Variants in TBC1D1 observed in about 807,000 individuals in gnomAD.
TBC1D1 encodes TBC1 (tre-2/USP6, BUB2, cdc16) domain family, member 1.
TBC1D1 carries 89 observed loss-of-function variants against 125.6 expected under a neutral mutation model. The observed-to-expected ratio is 0.71, with a 90% CI of 0.60 to 0.85. The LOEUF is 0.85. Ranked by LOEUF, TBC1D1 falls within the 40% of genes least tolerant of loss-of-function variation. The probability of loss-of-function intolerance (pLI) is 0.00; values close to 1 mark genes in which losing one functional copy is unlikely to be tolerated. For synonymous variants in TBC1D1, 565 were observed against 564.1 expected (o/e 1.00, Z -0.02); for missense variants, 1,377 against 1,469.2 (o/e 0.94, Z 1.03).
intron 6 of TBC1D1, among the ~76,000 whole-genome samples, chr4:38,023,577 G>A (rs767083599): frequency 3.9e-5 from 6 of 152,174 alleles, no homozygotes; most frequent in Non-Finnish European, 5.9e-5. Flanking sequence ...TTATCTTCTT[G>A]TTTCTGGTTT....
At chr4:38,086,979 A>G (rs532870196) in intron 12 of TBC1D1, among the ~76,000 whole-genome samples, 1 of 152,234 alleles carries the variant, frequency 6.6e-6, no homozygotes, top group South Asian at 2.1e-4. Context: ...GACCCTTACT[A>G]GCTGTGTGAC....
At chr4:38,092,674 G>C (rs1001884248) in intron 13 of TBC1D1, among the ~76,000 whole-genome samples, 1 of 151,420 alleles carries the variant, frequency 6.6e-6, no homozygotes, top group African/African-American at 2.4e-5. Flanking sequence ...GACGAAGGTT[G>C]CAGTGAGCCA....
chr4:37,980,348 C>T (rs1461543366), intron 2 of TBC1D1, among the ~76,000 whole-genome samples: 2 of 152,146 alleles, frequency 1.3e-5, no homozygotes, highest in Non-Finnish European at 2.9e-5. Flanking sequence ...TCAGTGGGGA[C>T]ACTTGACTTT....
intron 2 of TBC1D1, among the ~76,000 whole-genome samples, chr4:38,005,930 T>C (rs1187389398): frequency 6.6e-6 from 1 of 152,222 alleles, no homozygotes; most frequent in Non-Finnish European, 1.5e-5. Context: ...GAGTGACACA[T>C]TAGACCCATG....
chr4:38,072,962 C>G lies in TBC1D1; in HGVS notation c.2051-16970C>G, dbSNP rs554707719. The stretch of plus-strand genomic sequence containing the variant: ...TGACAGGATTTCTCTCTTTTTTTTC[C>G]GCCTTTTTTTTGAGTTATATTCTGT... On this transcript the variant is annotated intron_variant, in intron 12 of 19. Coordinates refer to ENST00000261439, the MANE Select transcript of TBC1D1 (RefSeq NM_015173.4). Among the ~76,000 whole-genome samples, 159 of 152,024 alleles carry G rather than the reference C, an allele frequency of 1.0e-3. 4 individuals carry two copies. The South Asian group carries it at 0.031, about 29-fold the overall frequency.
At chr4:37,980,418 A>G (rs548228961) in intron 2 of TBC1D1, among the ~76,000 whole-genome samples, 2 of 152,334 alleles carry the variant, frequency 1.3e-5, no homozygotes, top group South Asian at 4.1e-4. Flanking sequence ...TAGTAAACTC[A>G]CAGATGTCCC....
At chr4:38,096,855 T>G (rs977513728) in intron 14 of TBC1D1, among the ~76,000 whole-genome samples, 3 of 152,196 alleles carry the variant, frequency 2.0e-5, no homozygotes, top group African/African-American at 7.2e-5. Context: ...TATAAAAATA[T>G]CAGCCTGTAG....
chr4:38,028,760 T>C (rs529446802), intron 7 of TBC1D1, among the ~76,000 whole-genome samples: 48 of 152,340 alleles, frequency 3.2e-4, no homozygotes, highest in Non-Finnish European at 5.9e-5. Flanking sequence ...ATCTGTTCCC[T>C]GGGAAACCTC....
intron 8 of TBC1D1, among the ~76,000 whole-genome samples, chr4:38,042,741 C>G (rs1748635283): frequency 6.6e-6 from 1 of 152,232 alleles, no homozygotes; most frequent in Non-Finnish European, 1.5e-5. Context: ...CACTCCAGAG[C>G]TGGGCTTCTC....
intron 2 of TBC1D1, among the ~76,000 whole-genome samples, chr4:37,949,608 T>A (rs907752663): frequency 6.6e-6 from 1 of 152,202 alleles, no homozygotes; most frequent in Non-Finnish European, 1.5e-5. Flanking sequence ...ATCTAATCAC[T>A]CCAGGGCAAC....
chr4:37,985,964 T>C (rs1318345814), intron 2 of TBC1D1, among the ~76,000 whole-genome samples: 1 of 152,262 alleles, frequency 6.6e-6, no homozygotes, highest in Non-Finnish European at 1.5e-5. Context: ...CTGGTAGTTT[T>C]CTAGCATGTT....
chr4:37,908,091 C>T (rs542202436), intron 2 of TBC1D1, among the ~76,000 whole-genome samples: 3 of 151,860 alleles, frequency 2.0e-5, no homozygotes, highest in East Asian at 1.9e-4. Context: ...TGGGAAATGG[C>T]GGGGGTTCTT....
At chr4:37,919,095 A>AC (rs1462641030) in intron 2 of TBC1D1, among the ~76,000 whole-genome samples, 7 of 151,664 alleles carry the variant, frequency 4.6e-5, no homozygotes, top group African/African-American at 1.5e-4. Context: ...TTAAAAAAAA[A>AC]AAAAAACTGG....
At chr4:37,942,243 C>T (rs570616598) in intron 2 of TBC1D1, among the ~76,000 whole-genome samples, 57 of 152,308 alleles carry the variant, frequency 3.7e-4, no homozygotes, top group African/African-American at 1.3e-3. Flanking sequence ...ATAGTTAGCT[C>T]TTCTTGTTGA....
chr4:38,130,431 T>C (rs145822985), intron 18 of TBC1D1, among the ~76,000 whole-genome samples: 12 of 152,342 alleles, frequency 7.9e-5, no homozygotes, highest in Middle Eastern at 3.4e-3. Flanking sequence ...AGTATGGAAA[T>C]AGTCATTCCT....
At chr4:38,119,644 A>G (rs966362542) in intron 17 of TBC1D1, among the ~76,000 whole-genome samples, 1 of 152,202 alleles carries the variant, frequency 6.6e-6, no homozygotes, top group Non-Finnish European at 1.5e-5. Flanking sequence ...TATGTTTTTG[A>G]CTTCTCTAAC....
chr4:38,134,780 G>GCTA (rs1361677402), intron 19 of TBC1D1, among the ~76,000 whole-genome samples: 1 of 152,350 alleles, frequency 6.6e-6, no homozygotes, highest in Non-Finnish European at 1.5e-5. Flanking sequence ...AAACTGCTTA[G>GCTA]CTACCTACAT....
At chr4:37,907,264 T>C (rs192167812) in intron 2 of TBC1D1, among the ~76,000 whole-genome samples, 15 of 152,388 alleles carry the variant, frequency 9.8e-5, no homozygotes, top group Non-Finnish European at 1.8e-4. Flanking sequence ...TGGATCTTTT[T>C]ATTTAATGCT....
intron 7 of TBC1D1, among the ~76,000 whole-genome samples, chr4:38,031,476 C>T (rs1156582543): frequency 2.6e-5 from 4 of 152,122 alleles, no homozygotes; most frequent in Non-Finnish European, 5.9e-5. Context: ...AGATGTTAGA[C>T]TGTAGTGTCC....
Sources: allele counts gnomAD v4.1 joint callset (sites outside exome capture counted in the v4.1 genomes callset), GRCh38; gene constraint gnomAD v4.1.1; transcripts MANE v1.5; gene names NCBI Gene and HGNC (gene_info 2026-07-23, HGNC 2026-07-21).